The following SLC10A7 variants were observed in gnomAD, a reference collection of about 807,000 sequenced individuals.
The protein encoded by SLC10A7 is sodium/bile acid cotransporter 7.
In SLC10A7, 29 loss-of-function variants were observed where a neutral mutation model predicts 43.2. That is an observed-to-expected ratio of 0.67 (90% CI 0.50 to 0.92). SLC10A7 has a LOEUF of 0.92. Ranked by LOEUF, SLC10A7 falls within the 40% of genes least tolerant of loss-of-function variation. SLC10A7 has a pLI of 0.00. For synonymous variants in SLC10A7, 152 were observed against 144.8 expected (o/e 1.05, Z -0.35); for missense variants, 295 against 403.2 (o/e 0.73, Z 2.30).
intron 5 of SLC10A7, among the ~76,000 whole-genome samples, chr4:146,398,001 T>C (rs1308249298): frequency 2.0e-5 from 3 of 152,190 alleles, no homozygotes; most frequent in Admixed American, 2.0e-4. Flanking sequence ...GCAGCCCAGG[T>C]ATATATAATG....
At chr4:146,480,794 C>T (rs1037498163) in intron 4 of SLC10A7, among the ~76,000 whole-genome samples, 1 of 151,888 alleles carries the variant, frequency 6.6e-6, no homozygotes, top group Non-Finnish European at 1.5e-5. Flanking sequence ...ACCAGAAGAG[C>T]GATGTCAGCA....
intron 6 of SLC10A7, among the ~76,000 whole-genome samples, chr4:146,324,913 A>T (rs1732997194): frequency 6.6e-6 from 1 of 152,192 alleles, no homozygotes; most frequent in South Asian, 2.1e-4. Flanking sequence ...CCAGCATTTC[A>T]AAAGGGAGGG....
At chr4:146,521,496 G>C in intron 1 of SLC10A7, 122 bp downstream of exon 1, 1 of 749,084 alleles carries the variant, frequency 1.3e-6, no homozygotes, top group Non-Finnish European at 2.3e-6. Flanking sequence ...AGGGCCAAAG[G>C]CTGGTCAGTG....
chr4:146,298,545 A>G (rs1730939151), intron 7 of SLC10A7, among the ~76,000 whole-genome samples: 1 of 152,176 alleles, frequency 6.6e-6, no homozygotes, highest in Non-Finnish European at 1.5e-5. Flanking sequence ...TATAGGGTAA[A>G]AAGTAGGTTT....
At chr4:146,337,155 A>G (rs1411217964) in intron 5 of SLC10A7, among the ~76,000 whole-genome samples, 2 of 152,128 alleles carry the variant, frequency 1.3e-5, no homozygotes, top group East Asian at 3.9e-4. Flanking sequence ...GGCAATAAAT[A>G]ATTTTCTAAA....
chr4:146,430,883 T>C (rs1729731282), intron 5 of SLC10A7, among the ~76,000 whole-genome samples: 1 of 152,126 alleles, frequency 6.6e-6, no homozygotes, highest in African/African-American at 2.4e-5. Context: ...TGCAGCTCGT[T>C]CAATTACCAA....
At chr4:146,315,832 C>A (rs1297950775) in intron 6 of SLC10A7, among the ~76,000 whole-genome samples, 1 of 152,060 alleles carries the variant, frequency 6.6e-6, no homozygotes, top group Non-Finnish European at 1.5e-5. Context: ...TTTTTCATAG[C>A]AAATAAAAGG....
chr4:146,440,897 A>G (rs973200762), intron 5 of SLC10A7, among the ~76,000 whole-genome samples: 2 of 152,160 alleles, frequency 1.3e-5, no homozygotes, highest in Non-Finnish European at 2.9e-5. Flanking sequence ...CCCATACCTC[A>G]AGGCCCAGCT....
chr4:146,442,416 C>A (rs892830839), intron 5 of SLC10A7: 1 of 1,014,546 alleles, frequency 9.9e-7, no homozygotes, highest in African/African-American at 1.7e-5. Flanking sequence ...CCTTTCTGAC[C>A]AGCTGGGTCA....
chr4:146,442,023 T>C (rs1730640382), intron 5 of SLC10A7: 1 of 979,274 alleles, frequency 1.0e-6, no homozygotes, highest in Non-Finnish European at 1.2e-6. Flanking sequence ...TAATGAGTTA[T>C]GCCCCAAAAA....
chr4:146,305,345 T>C (rs1285987716), intron 7 of SLC10A7, among the ~76,000 whole-genome samples: 3 of 149,688 alleles, frequency 2.0e-5, no homozygotes, highest in Non-Finnish European at 4.4e-5. Flanking sequence ...AAACACCACA[T>C]ATTCTCACTC....
chr4:146,350,395 TCG>T, intron 5 of SLC10A7, among the ~76,000 whole-genome samples: 1 of 80,488 alleles, frequency 1.2e-5, no homozygotes. Context: ...CCACGGAATC[TCG>T]CTGATTGCTA....
chr4:146,438,405 T>C (rs1193857915), intron 5 of SLC10A7, among the ~76,000 whole-genome samples: 1 of 152,090 alleles, frequency 6.6e-6, no homozygotes, highest in African/African-American at 2.4e-5. Context: ...AAGTAATCAG[T>C]GACTCGTACA....
At chr4:146,348,847 C>T (rs529779175) in intron 5 of SLC10A7, among the ~76,000 whole-genome samples, 10 of 152,168 alleles carry the variant, frequency 6.6e-5, no homozygotes, top group African/African-American at 2.2e-4. Context: ...GTGTAACAGT[C>T]GCACTTTGTC....
At chr4:146,406,289 C>T (rs1256051909) in intron 5 of SLC10A7, among the ~76,000 whole-genome samples, 1 of 152,180 alleles carries the variant, frequency 6.6e-6, no homozygotes. Context: ...TTATTGGGAT[C>T]TCAGGTCCCT....
intron 10 of SLC10A7, among the ~76,000 whole-genome samples, chr4:146,259,705 T>G (rs1456058686): frequency 2.6e-5 from 4 of 152,246 alleles, no homozygotes; most frequent in Non-Finnish European, 5.9e-5. Context: ...GAGCTGGGTG[T>G]GTATATTTTA....
intron 5 of SLC10A7, among the ~76,000 whole-genome samples, chr4:146,374,969 G>T (rs770812061): frequency 6.6e-6 from 1 of 152,154 alleles, no homozygotes; most frequent in Non-Finnish European, 1.5e-5. Context: ...ACTTTGGGAG[G>T]CTGAGGCAGA....
intron 2 of SLC10A7, 122 bp downstream of exon 2, chr4:146,516,916 T>C: frequency 2.9e-6 from 2 of 686,404 alleles, no homozygotes; most frequent in South Asian, 2.4e-5. Context: ...CAAGTTATCT[T>C]CTGCTATAGT....
In SLC10A7 at chr4:146,256,468, C is replaced by A. The variant is rs1489996458; in HGVS notation, c.*23G>T. ...TACAATCCTGTACATATATACATTG[C>A]TACAGAAAGTCCACCTCCTTTGTTA... On this transcript the variant is annotated 3_prime_UTR_variant, in exon 12 of 12. Coordinates refer to ENST00000335472, the MANE Select transcript of SLC10A7 (RefSeq NM_001029998.6). 6 of 1,613,070 alleles carry A rather than the reference C, an allele frequency of 3.7e-6. No individual in the cohort carries two copies.
Sources: gnomAD v4.1 joint callset for allele counts (sites outside exome capture counted in the v4.1 genomes callset) on GRCh38, gnomAD v4.1.1 for gene constraint, MANE v1.5 for transcripts, NCBI Gene and HGNC (gene_info 2026-07-23, HGNC 2026-07-21) for gene names.